Variants in SUPT3H observed in about 807,000 individuals in gnomAD.
The protein encoded by SUPT3H is transcription initiation protein SPT3 homolog.
SUPT3H carries 44 observed loss-of-function variants against 44.3 expected under a neutral mutation model. That is an observed-to-expected ratio of 0.99 (90% confidence interval 0.78 to 1.28). SUPT3H has a LOEUF of 1.28. SUPT3H is among the 50% of genes most tolerant of loss of function. The probability of loss-of-function intolerance (pLI) is 0.00; values close to 1 mark genes in which losing one functional copy is unlikely to be tolerated. For synonymous variants in SUPT3H, 124 were observed against 125.6 expected (o/e 0.99, Z 0.09); for missense variants, 380 against 387.1 (o/e 0.98, Z 0.15).
chr6:44,841,502 A>G (rs983175056), intron 10 of SUPT3H, among the ~76,000 whole-genome samples: 4 of 152,244 alleles, frequency 2.6e-5, no homozygotes, highest in African/African-American at 7.2e-5. Context: ...TACTTCTCGT[A>G]GCCACTGACC....
At chr6:44,901,320 G>T (rs1355599989) in intron 10 of SUPT3H, among the ~76,000 whole-genome samples, 9 of 152,110 alleles carry the variant, frequency 5.9e-5, no homozygotes, top group Admixed American at 5.9e-4. Flanking sequence ...ACGCAGAGAA[G>T]TCCTAAAAGG....
At chr6:44,961,861 G>A in intron 6 of SUPT3H, 33 bp from the exon 7 acceptor site, 2 of 1,502,888 alleles carry the variant, frequency 1.3e-6, no homozygotes, top group Non-Finnish European at 1.8e-6. Context: ...ATTTTTTAAA[G>A]CAAGCAGATT....
At chr6:44,937,900 CTTTTTTTTTTTTTTT>C (rs746279156) in intron 9 of SUPT3H, among the ~76,000 whole-genome samples, 206 of 59,134 alleles carry the variant, frequency 3.5e-3, no homozygotes, top group African/African-American at 0.011. Context: ...TGCTCACTAT[CTTTTTTTTTTTTTTT>C]TTTTTTTTTT....
intron 9 of SUPT3H, among the ~76,000 whole-genome samples, chr6:44,933,401 GA>G (rs1196432260): frequency 6.6e-6 from 1 of 152,124 alleles, no homozygotes; most frequent in African/African-American, 2.4e-5. Flanking sequence ...ATGAGAGTGT[GA>G]ATACAAACTT....
chr6:44,809,824 C>A (rs1766390255), intron 11 of SUPT3H, among the ~76,000 whole-genome samples: 1 of 152,132 alleles, frequency 6.6e-6, no homozygotes, highest in African/African-American at 2.4e-5. Context: ...AACTTCAATG[C>A]TCCCACTTAA....
intron 2 of SUPT3H, among the ~76,000 whole-genome samples, chr6:45,235,778 G>A (rs117197506): frequency 0.011 from 1,729 of 152,152 alleles, 24 homozygotes; most frequent in East Asian, 0.046. Flanking sequence ...CTCAAAACCG[G>A]CCATAAACAA....
chr6:45,058,477 GA>G (rs2153540508), intron 3 of SUPT3H, among the ~76,000 whole-genome samples: 1 of 152,080 alleles, frequency 6.6e-6, no homozygotes, highest in Non-Finnish European at 1.5e-5. Flanking sequence ...TAAAATAATG[GA>G]TGCAAAGTAC....
intron 5 of SUPT3H, among the ~76,000 whole-genome samples, chr6:45,006,469 G>A (rs916007929): frequency 2.7e-5 from 4 of 150,926 alleles, no homozygotes; most frequent in Admixed American, 6.6e-5. Context: ...TTCTGTTAAC[G>A]TTTACCACCC....
At chr6:45,280,408 A>G (rs1777808263) in intron 2 of SUPT3H, among the ~76,000 whole-genome samples, 1 of 152,164 alleles carries the variant, frequency 6.6e-6, no homozygotes, top group African/African-American at 2.4e-5. Context: ...CGGGGGGCTG[A>G]CACAGGAGAA....
intron 2 of SUPT3H, among the ~76,000 whole-genome samples, chr6:45,335,409 G>A (rs1478548179): frequency 1.3e-5 from 2 of 151,084 alleles, no homozygotes; most frequent in Admixed American, 6.6e-5. Context: ...TCACTATAAC[G>A]ATCCTAGAAA....
intron 3 of SUPT3H, among the ~76,000 whole-genome samples, chr6:45,062,711 G>C (rs945608463): frequency 1.3e-5 from 2 of 152,152 alleles, no homozygotes; most frequent in Non-Finnish European, 2.9e-5. Context: ...GACGCACCTG[G>C]AAAATCGGGT....
At chr6:44,830,904 C>A (rs564819248) in intron 10 of SUPT3H, among the ~76,000 whole-genome samples, 1 of 135,140 alleles carries the variant, frequency 7.4e-6, no homozygotes, top group Admixed American at 7.2e-5. Context: ...TTAAGAAATA[C>A]AGAATAACCT....
intron 4 of SUPT3H, among the ~76,000 whole-genome samples, chr6:45,015,820 C>T (rs1223760585): frequency 6.6e-6 from 1 of 151,928 alleles, no homozygotes; most frequent in Admixed American, 6.6e-5. Flanking sequence ...CACACACACG[C>T]CTATGCCTAC....
At chr6:45,359,451 T>C (rs1263580408) in intron 2 of SUPT3H, among the ~76,000 whole-genome samples, 1 of 152,152 alleles carries the variant, frequency 6.6e-6, no homozygotes, top group African/African-American at 2.4e-5. Context: ...AACAGATGCA[T>C]TTCACAAAAA....
chr6:45,143,917 C>T (rs892502278), intron 2 of SUPT3H, among the ~76,000 whole-genome samples: 1 of 152,018 alleles, frequency 6.6e-6, no homozygotes, highest in African/African-American at 2.4e-5. Context: ...ACTATGAACA[C>T]CTTTATATAC....
intron 10 of SUPT3H, among the ~76,000 whole-genome samples, chr6:44,892,120 G>A (rs1763400358): frequency 6.6e-6 from 1 of 152,134 alleles, no homozygotes; most frequent in African/African-American, 2.4e-5. Flanking sequence ...AGAGTGAAAT[G>A]AAATTCTGGG....
Position 45,365,291 on chromosome 6 carries a change from G to A in SUPT3H, c.11C>T (p.Thr4Met), listed in dbSNP as rs146820226. Residue 4 changes from threonine to methionine, a missense_variant, in exon 2 of 11, where the codon ACG becomes ATG. Thr to Met is a moderately conservative substitution (Grantham distance 81). Coordinates refer to ENST00000371459, the MANE Select transcript of SUPT3H (RefSeq NM_003599.4). ...TGCAGTAGACATTGGACTAGCTGCC[G>A]TATTATTCATCTAAATAAAAAGGAG... MNN[T>M]AASPMSTATS... 2.6e-5 allele frequency: 41 copies of A among 1,605,522 alleles called. No individual in the cohort carries two copies. Among genetic ancestry groups the A allele is most frequent in the East Asian group, 2.2e-4 (10 of 44,604 alleles).
chr6:45,027,189 C>CAAA (rs1562292771), intron 3 of SUPT3H, among the ~76,000 whole-genome samples: 1 of 151,914 alleles, frequency 6.6e-6, no homozygotes, highest in Non-Finnish European at 1.5e-5. Flanking sequence ...CAGGGTTCTG[C>CAAA]CACGTTGACC....
chr6:44,913,128 G>A (rs1292251799), intron 10 of SUPT3H, among the ~76,000 whole-genome samples: 1 of 152,128 alleles, frequency 6.6e-6, no homozygotes, highest in African/African-American at 2.4e-5. Flanking sequence ...GATGGGAGAG[G>A]GGATTTCTTC....
Sources: allele counts gnomAD v4.1 joint callset (sites outside exome capture counted in the v4.1 genomes callset), GRCh38; gene constraint gnomAD v4.1.1; transcripts MANE v1.5; gene names NCBI Gene and HGNC (gene_info 2026-07-23, HGNC 2026-07-21).